The following PLEKHG2 variants were observed in gnomAD, a reference collection of about 807,000 sequenced individuals.
PLEKHG2 encodes the protein pleckstrin homology and RhoGEF domain containing G2, also known as pleckstrin homology domain-containing family G member 2.
PLEKHG2 carries 71 observed loss-of-function variants against 104.4 expected under a neutral mutation model. That is an observed-to-expected ratio of 0.68 (90% confidence interval 0.56 to 0.83). The LOEUF is 0.83. Among genes scored for constraint, PLEKHG2 ranks in the 40% least tolerant of loss-of-function variants. PLEKHG2 has a pLI of 0.00. For missense variants in PLEKHG2, 1,730 were observed against 1,809.4 expected, an observed-to-expected ratio of 0.96 and a Z score of 0.80; for synonymous variants, 728 against 737.0, an observed-to-expected ratio of 0.99 and a Z score of 0.20.
rs752150255 is a variant in PLEKHG2, at chr19:39,421,269, C to T, written c.1487-14C>T. ...TCACTAATGCTTCTCTCTCTCTCAT[C>T]TCTCCATCCTTAGCTAAGCCTGGAT... On this transcript the variant is annotated splice_polypyrimidine_tract_variant and intron_variant, in intron 15 of 18. Transcript: ENST00000425673. The T allele has an allele frequency of 6.2e-7, 1 of 1,613,836 alleles. No individual in the cohort carries two copies. Among genetic ancestry groups the T allele is most frequent in the Non-Finnish European group, 8.5e-7 (1 of 1,179,738 alleles).
intron 8 of PLEKHG2, 49 bp downstream of exon 8, chr19:39,417,741 G>T: frequency 1.9e-6 from 3 of 1,577,626 alleles, no homozygotes; most frequent in South Asian, 1.1e-5. Flanking sequence ...GTGAGCGAGG[G>T]GGCCTTGGGG....
rs746866072 is a variant in PLEKHG2 at position 39,424,473 on chromosome 19, G to T, written c.3340G>T (p.Ala1114Ser). 1.9e-6 allele frequency: 3 copies of T among 1,613,946 alleles called. No individual in the cohort carries two copies. The East Asian group carries it at 6.7e-5, about 36-fold the overall frequency. The change falls in exon 19 of 19, where the codon GCA (alanine) becomes TCA (serine). Residue 1114 changes from alanine to serine, a missense_variant. Ala to Ser is a moderately conservative substitution (Grantham distance 99). Coordinates refer to ENST00000425673, the MANE Select transcript of PLEKHG2 (RefSeq NM_022835.3). ...GATTCCAGGTACCTCACCTTTGCCTGCACATGGAAGCCACCTGGACCATCG... is the reference window on the plus strand; with the variant it reads ...GATTCCAGGTACCTCACCTTTGCCTTCACATGGAAGCCACCTGGACCATCG... ...LQIPGTSPLP[A>S]HGSHLDHRIP...
chr19:39,419,053 C>T, intron 11 of PLEKHG2, 50 bp downstream of exon 11: 1 of 1,505,842 alleles, frequency 6.6e-7, no homozygotes, highest in Non-Finnish European at 9.0e-7. Context: ...GAGACACCCT[C>T]CCCCAATAGT....
In PLEKHG2 at chr19:39,419,898, GAA is replaced by G. The variant is rs112936508; in HGVS notation, c.1264-724_1264-723del. ...CTGTCTCAAAAAAAAAAAAGAAAAA[GAA>G]AAATTAGCTGGGCATGGTGGCGCAT... On this transcript the variant is annotated intron_variant, in intron 11 of 18. Coordinates refer to ENST00000425673, the MANE Select transcript of PLEKHG2 (RefSeq NM_022835.3). Among the ~76,000 whole-genome samples, 204 of 51,642 alleles carry G rather than the reference GAA, an allele frequency of 4.0e-3. 2 individuals carry two copies. Among genetic ancestry groups the G allele is most frequent in the Middle Eastern group, 0.015 (1 of 68 alleles). The allele number at this position is 51,642 out of a possible 152,430, so 33.9% of individuals were successfully genotyped here. A position where few individuals can be genotyped will look rare whatever the true frequency, so the allele number is the denominator to read the frequency against.
rs2078639311 is a variant in PLEKHG2, at chr19:39,418,159, A to G, written c.1083+54A>G. ...ATACTACCTACAAAGTATATCCCAT[A>G]TACCTGTATCTGTGTGCCCGGCAGT... On this transcript the variant is annotated intron_variant, in intron 9 of 18. Coordinates refer to ENST00000425673, the MANE Select transcript of PLEKHG2 (RefSeq NM_022835.3). 6 of 1,382,264 alleles carry G rather than the reference A, an allele frequency of 4.3e-6. No homozygotes were observed. In the Admixed American group the frequency reaches 1.3e-4, roughly 30 times the overall value. The allele number at this position is 1,382,264 out of a possible 1,614,324, so 85.6% of individuals were successfully genotyped here.
Position 39,422,544 on chromosome 19 carries a change from A to ATT in PLEKHG2, c.1678-173_1678-172dup, listed in dbSNP as rs372412945. 4.8e-4 allele frequency among the ~76,000 whole-genome samples: 68 copies of ATT among 140,672 alleles called. 1 individual carries two copies. In the South Asian group the frequency reaches 0.01, roughly 22 times the overall value. 92.3% of individuals were successfully genotyped at this position (140,672 alleles called of 152,430 possible). On this transcript the variant is annotated intron_variant, in intron 17 of 18. Coordinates refer to ENST00000425673, the MANE Select transcript of PLEKHG2 (RefSeq NM_022835.3). ...AGGCACCCGCCAACACACCCGGCTAATTTTTTTTTTTTTTTTGTATTTTTA... is the reference window on the plus strand; with the variant it reads ...AGGCACCCGCCAACACACCCGGCTAATTTTTTTTTTTTTTTTTTGTATTTTTA...
chr19:39,416,817 G>A lies in PLEKHG2; in HGVS notation c.594-33G>A, dbSNP rs2078612411. The A allele has an allele frequency of 1.3e-6, 2 of 1,564,018 alleles. No individual in the cohort carries two copies. The highest frequency in any genetic ancestry group is 8.6e-7 in the Non-Finnish European group (1 of 1,156,280). Reference sequence around the variant, plus strand: ...CCTCTTGACCCCGCCCACTGGAACTGACAATCCCCACTGACCTGTGCTGTG... The same window carrying A: ...CCTCTTGACCCCGCCCACTGGAACTAACAATCCCCACTGACCTGTGCTGTG... On this transcript the variant is annotated intron_variant, in intron 6 of 18. Coordinates refer to ENST00000425673, the MANE Select transcript of PLEKHG2 (RefSeq NM_022835.3). The surrounding 1 kb of genome is among the most constrained non-coding windows in gnomAD (Gnocchi z 4.5).
rs1345354132 is a variant in PLEKHG2, at chr19:39,416,988, T to C, written c.732T>C (p.His244=). 1 of 1,605,950 alleles carries C rather than the reference T, an allele frequency of 6.2e-7. No individual in the cohort carries two copies. The highest frequency in any genetic ancestry group is 8.5e-7 in the Non-Finnish European group (1 of 1,174,826). ...CTGTCCAGCGCATTCTCAAGTACCA[T>C]CTGCTGCTGCAGGTCAGCTGGGGCC... The part of the protein sequence containing the change: ...LKPVQRILKY[H]LLLQELGKHW... The change falls in exon 7 of 19, where the codon CAT becomes CAC. Residue 244 remains histidine (H), a synonymous_variant. Coordinates refer to ENST00000425673, the MANE Select transcript of PLEKHG2 (RefSeq NM_022835.3). This position sits in a 1 kb window ranked among gnomAD's most constrained non-coding sequence, Gnocchi z 4.5.
Position 39,416,494 on chromosome 19 carries a change from A to G in PLEKHG2, c.547-57A>G. The G allele has an allele frequency of 6.5e-7, 1 of 1,549,064 alleles. No individual in the cohort carries two copies. ...GAGAGCAGGCTTGGGCTAGGCTGGA[A>G]GGGGGGTCGTGGGAAGCCAGGACCT... On this transcript the variant is annotated intron_variant, in intron 5 of 18. Transcript: ENST00000425673. This position sits in a 1 kb window ranked among gnomAD's most constrained non-coding sequence, Gnocchi z 4.5.
Position 39,423,398 on chromosome 19 carries a change from C to G in PLEKHG2, c.2344C>G (p.Pro782Ala). 1 of 1,610,858 alleles carries G rather than the reference C, an allele frequency of 6.2e-7. No homozygotes were observed. Among genetic ancestry groups the G allele is most frequent in the Non-Finnish European group, 8.5e-7 (1 of 1,178,468 alleles). Residue 782 changes from proline to alanine, a missense_variant, in exon 18 of 19, where the codon CCA becomes GCA. By Grantham distance (27) the Pro-to-Ala change is conservative. Transcript: ENST00000425673. ...ATTGGAACAGGGACAGCTGGCCCGG[C>G]CAGGCTTCCCAGAGCCACTGCTGAT... is the stretch of plus-strand genomic sequence containing the variant. ...QALEQGQLARPGFPEPLLILE... is the reference protein window; with the variant it reads ...QALEQGQLARAGFPEPLLILE...
intron 12 of PLEKHG2, 39 bp from the exon 13 acceptor site, chr19:39,420,712 A>C (rs778954455): frequency 5.6e-6 from 9 of 1,614,020 alleles, no homozygotes; most frequent in Non-Finnish European, 7.6e-6. Flanking sequence ...ATTACTTCCA[A>C]GAAAAAGTTG....
intron 8 of PLEKHG2, 27 bp downstream of exon 8, chr19:39,417,719 C>A: frequency 8.5e-7 from 1 of 1,170,620 alleles, no homozygotes; most frequent in Non-Finnish European, 1.1e-6. Flanking sequence ...CTGGGGCTTG[C>A]TGGATGAGGG....
rs535832552 is a variant in PLEKHG2, at chr19:39,413,798, A to T, written c.-22-267A>T. On this transcript the variant is annotated intron_variant, in intron 1 of 18. Transcript: ENST00000425673. The surrounding 1 kb of genome is among the most constrained non-coding windows in gnomAD (Gnocchi z 4.5). ...GAGCCCAAACGTTCCCAGGATCCCTAAGCCTCCGGCCCCAGACAAACGGGA... is the reference window on the plus strand; with the variant it reads ...GAGCCCAAACGTTCCCAGGATCCCTTAGCCTCCGGCCCCAGACAAACGGGA... The T allele has an allele frequency of 4.4e-3, 982 of 224,990 alleles. 8 individuals carry two copies. Among genetic ancestry groups the T allele is most frequent in the African/African-American group, 0.021 (898 of 43,754 alleles). The allele number at this position is 224,990 out of a possible 1,614,324, so 13.9% of individuals were successfully genotyped here.
intron 8 of PLEKHG2, 65 bp from the exon 9 acceptor site, chr19:39,417,840 G>A: frequency 6.6e-7 from 1 of 1,504,634 alleles, no homozygotes; most frequent in Non-Finnish European, 8.9e-7. Flanking sequence ...GTTTTGGTGT[G>A]TATGTGTGTG....
chr19:39,417,072 G>C, intron 7 of PLEKHG2, 72 bp downstream of exon 7: 1 of 1,484,848 alleles, frequency 6.7e-7, no homozygotes, highest in African/African-American at 1.4e-5. Context: ...TGGTTCATCT[G>C]GAGGATGGAC....
At chr19:39,414,735 T>G (rs1007444543) in intron 2 of PLEKHG2, among the ~76,000 whole-genome samples, 1 of 152,038 alleles carries the variant, frequency 6.6e-6, no homozygotes, top group African/African-American at 2.4e-5. Context: ...AGTAATACAG[T>G]CAGATAGACA....
At position 39,423,917 on chromosome 19, in the gene PLEKHG2, G is replaced by C; in HGVS notation, c.2784G>C (p.Pro928=). The change falls in exon 19 of 19, where the codon CCG becomes CCC. Residue 928 remains proline (P), a synonymous_variant. Transcript: ENST00000425673. Reference sequence around the variant, plus strand: ...CCAATTTGCCTAAGCAAGACCTTCCGGGCATCCACGTTTCAGCTGCTACCC... The same window carrying C: ...CCAATTTGCCTAAGCAAGACCTTCCCGGCATCCACGTTTCAGCTGCTACCC... ...HVSNLPKQDL[P]GIHVSAATLL... is the part of the protein sequence containing the mutation. 1 of 1,614,150 alleles carries C rather than the reference G, an allele frequency of 6.2e-7. No individual in the cohort carries two copies. The highest frequency in any genetic ancestry group is 8.5e-7 in the Non-Finnish European group (1 of 1,180,006).
rs1221880774 is a variant in PLEKHG2, at chr19:39,414,076, G to T, written c.-11G>T. ...GGCTCTTTCTGCAGGACTCTGCTGG[G>T]CCGCTCAGCCATGCCTGAGGGAGCC... On this transcript the variant is annotated 5_prime_UTR_variant, in exon 2 of 19. Transcript: ENST00000425673. The T allele has an allele frequency of 6.5e-7, 1 of 1,550,202 alleles. No individual in the cohort carries two copies. The highest frequency in any genetic ancestry group is 1.2e-5 in the South Asian group (1 of 84,022).
At position 39,416,283 on chromosome 19, in the gene PLEKHG2, C is replaced by T; in HGVS notation, c.480-65C>T. The T allele has an allele frequency of 6.4e-7, 1 of 1,555,950 alleles. No individual in the cohort carries two copies. Among genetic ancestry groups the T allele is most frequent in the South Asian group, 1.1e-5 (1 of 88,996 alleles). ...AGCAGACCATTGGGGCCTCAGCCTCCTGGAGGCCTCCCATGGAGGGGTCGT... is the reference window on the plus strand; with the variant it reads ...AGCAGACCATTGGGGCCTCAGCCTCTTGGAGGCCTCCCATGGAGGGGTCGT... On this transcript the variant is annotated intron_variant, in intron 4 of 18. Coordinates refer to ENST00000425673, the MANE Select transcript of PLEKHG2 (RefSeq NM_022835.3). This position sits in a 1 kb window ranked among gnomAD's most constrained non-coding sequence, Gnocchi z 4.5.
Sources: allele counts gnomAD v4.1 joint callset (sites outside exome capture counted in the v4.1 genomes callset), GRCh38; gene constraint gnomAD v4.1.1; non-coding constraint Gnocchi (gnomAD v3.1); transcripts MANE v1.5; gene names NCBI Gene and HGNC (gene_info 2026-07-23, HGNC 2026-07-21).